CHD2: variants seen among roughly 807,000 people sequenced by gnomAD.
The protein encoded by CHD2 is chromodomain helicase DNA binding protein 2, also known as ATP-dependent chromatin remodeler CHD2.
CHD2 carries 28 observed loss-of-function variants against 243.9 expected under a neutral mutation model. That is an observed-to-expected ratio of 0.11 (90% CI 0.09 to 0.16). The LOEUF is 0.16. Ranked by LOEUF, CHD2 falls within the 10% of genes least tolerant of loss-of-function variation. The pLI, the probability that CHD2 is intolerant of heterozygous loss-of-function variation, is 1.00. For synonymous variants in CHD2, 775 were observed against 779.0 expected (o/e 0.99, Z 0.09); for missense variants, 1,386 against 2,209.8 (o/e 0.63, Z 7.47).
At chr15:92,920,714 A>G (rs1343206740) in intron 2 of CHD2, among the ~76,000 whole-genome samples, 2 of 152,212 alleles carry the variant, frequency 1.3e-5, no homozygotes, top group African/African-American at 2.4e-5. Flanking sequence ...TTGCCAAAAC[A>G]TGATTCTATT....
chr15:92,904,548 G>T, intron 2 of CHD2: 1 of 1,002,810 alleles, frequency 1.0e-6, no homozygotes. Flanking sequence ...TTTCCTGGAC[G>T]CGTTTGCTCC....
At chr15:92,995,093 A>G (rs1338039525) in intron 28 of CHD2, among the ~76,000 whole-genome samples, 1 of 152,222 alleles carries the variant, frequency 6.6e-6, no homozygotes, top group African/African-American at 2.4e-5. Context: ...TAACAAAAGA[A>G]TGCTGAAATG....
Position 92,900,797 on chromosome 15 carries a change from C to G in CHD2, c.-99C>G, listed in dbSNP as rs2052518287. 2.5e-6 allele frequency: 1 copy of G among 395,130 alleles called. No individual in the cohort carries two copies. Among genetic ancestry groups the G allele is most frequent in the Non-Finnish European group, 4.5e-6 (1 of 224,706 alleles). 24.5% of individuals were successfully genotyped at this position (395,130 alleles called of 1,614,324 possible). ...TATTTTTCTACTAGTAGATAGGACT[C>G]TTGGTTTGGACATACTACATGGATC... On this transcript the variant is annotated 5_prime_UTR_variant, in exon 1 of 39. Transcript: ENST00000394196.
At position 92,997,230 on chromosome 15, in the gene CHD2, T is replaced by C; in HGVS notation, c.3735-23T>C. 6.2e-7 allele frequency: 1 copy of C among 1,613,946 alleles called. No individual in the cohort carries two copies. The highest frequency in any genetic ancestry group is 8.5e-7 in the Non-Finnish European group (1 of 1,179,940). On this transcript the variant is annotated intron_variant, in intron 29 of 38. Transcript: ENST00000394196. The surrounding 1 kb of genome is among the most constrained non-coding windows in gnomAD (Gnocchi z 4.1). ...CAAAAAGGCCCCTCTTCTAATGTCT[T>C]CCTGTTTTTAAACTTTCTTTAGATA...
At chr15:92,918,850 TAC>T (rs941884086) in intron 2 of CHD2, among the ~76,000 whole-genome samples, 1 of 151,268 alleles carries the variant, frequency 6.6e-6, no homozygotes, top group African/African-American at 2.4e-5. Context: ...CACATATATA[TAC>T]ATACATATAT....
intron 17 of CHD2, 127 bp from the exon 18 acceptor site, chr15:92,971,638 T>C (rs1012334720): frequency 1.7e-6 from 1 of 593,274 alleles, no homozygotes; most frequent in Non-Finnish European, 2.7e-6. Flanking sequence ...AAATATTCTT[T>C]GCTTCTTAAA....
At chr15:92,958,217 A>G in intron 16 of CHD2, among the ~76,000 whole-genome samples, 1 of 152,216 alleles carries the variant, frequency 6.6e-6, no homozygotes, top group Non-Finnish European at 1.5e-5. Flanking sequence ...GTGCAGTCCT[A>G]CCAAAAATGT....
intron 14 of CHD2, chr15:92,954,341 T>TC (rs1302558591): frequency 6.6e-6 from 1 of 152,226 alleles, no homozygotes; most frequent in Non-Finnish European, 1.5e-5. Context: ...ACACAGGTGT[T>TC]TCTATCTAGT....
chr15:92,972,050 A>G (rs1596419130), intron 18 of CHD2, 123 bp downstream of exon 18: 3 of 1,140,420 alleles, frequency 2.6e-6, no homozygotes, highest in Admixed American at 5.8e-5. Context: ...AGCTTTAAAA[A>G]TGGGAGAGAA....
At chr15:92,918,303 C>A (rs1271410411) in intron 2 of CHD2, among the ~76,000 whole-genome samples, 2 of 152,160 alleles carry the variant, frequency 1.3e-5, no homozygotes, top group Non-Finnish European at 2.9e-5. Context: ...TTTTTCTCAT[C>A]AGCATTTATT....
chr15:92,912,864 T>C (rs143093594), intron 2 of CHD2, among the ~76,000 whole-genome samples: 1 of 152,342 alleles, frequency 6.6e-6, no homozygotes, highest in African/African-American at 2.4e-5. Context: ...CAAACTAAAA[T>C]GATCAGTGTG....
At chr15:92,919,156 C>T (rs528384015) in intron 2 of CHD2, among the ~76,000 whole-genome samples, 1 of 150,540 alleles carries the variant, frequency 6.6e-6, no homozygotes, top group Non-Finnish European at 1.5e-5. Flanking sequence ...ATGCTCGGCC[C>T]ATAATTACAC....
chr15:92,976,653 CAA>C (rs11354443), intron 20 of CHD2, among the ~76,000 whole-genome samples: 317 of 133,640 alleles, frequency 2.4e-3, no homozygotes, highest in Middle Eastern at 7.6e-3. Context: ...CTGTCTCTAC[CAA>C]AAAAAAAAAA....
At chr15:93,020,643 T>G (rs1232385640) in intron 38 of CHD2, 1 of 364,310 alleles carries the variant, frequency 2.7e-6, no homozygotes, top group Non-Finnish European at 5.0e-6. Context: ...AATTGAAGAG[T>G]CAAAGTCTTC....
At chr15:92,982,904 G>C (rs1440988410) in intron 24 of CHD2, among the ~76,000 whole-genome samples, 4 of 152,138 alleles carry the variant, frequency 2.6e-5, no homozygotes, top group Non-Finnish European at 5.9e-5. Flanking sequence ...GTAAAATACC[G>C]TAGACTGGGT....
At chr15:93,006,215 C>T (rs2054319778) in intron 34 of CHD2, among the ~76,000 whole-genome samples, 1 of 151,212 alleles carries the variant, frequency 6.6e-6, no homozygotes, top group South Asian at 2.1e-4. Flanking sequence ...CAGCCTCTGC[C>T]TCTCCGGTTC....
intron 25 of CHD2, 83 bp from the exon 26 acceptor site, chr15:92,985,415 G>C (rs1042725452): frequency 7.3e-7 from 1 of 1,367,130 alleles, no homozygotes; most frequent in African/African-American, 1.4e-5. Context: ...GAATACTAAA[G>C]AATTAAGATG....
At chr15:92,986,768 G>A (rs1281572039) in intron 26 of CHD2, among the ~76,000 whole-genome samples, 3 of 152,118 alleles carry the variant, frequency 2.0e-5, no homozygotes, top group Non-Finnish European at 4.4e-5. Context: ...CTCTTGCACA[G>A]GCTGGAGTAT....
intron 3 of CHD2, among the ~76,000 whole-genome samples, chr15:92,925,150 A>T (rs955148351): frequency 6.6e-6 from 1 of 152,194 alleles, no homozygotes; most frequent in Non-Finnish European, 1.5e-5. Context: ...AGTTAATAAT[A>T]TGTAGTTATA....
Sources: allele counts gnomAD v4.1 joint callset (sites outside exome capture counted in the v4.1 genomes callset), GRCh38; gene constraint gnomAD v4.1.1; non-coding constraint Gnocchi (gnomAD v3.1); transcripts MANE v1.5; gene names NCBI Gene and HGNC (gene_info 2026-07-23, HGNC 2026-07-21).